TSHR: variants seen among roughly 807,000 people sequenced by gnomAD.
The protein encoded by TSHR is thyroid stimulating hormone receptor, also known as thyrotropin receptor.
Under a neutral mutation model 64.1 loss-of-function variants are expected in TSHR, and 51 were observed. The ratio of observed to expected loss-of-function variants is 0.80; its 90% CI spans 0.64 to 1.01. TSHR has a LOEUF of 1.01. Ranked by LOEUF, TSHR falls within the 50% of genes least tolerant of loss-of-function variation. The pLI is 0.00. For synonymous variants in TSHR, 361 were observed against 361.9 expected, an observed-to-expected ratio of 1.00 and a Z score of 0.03; for missense variants, 877 against 942.8, an observed-to-expected ratio of 0.93 and a Z score of 0.91.
chr14:81,094,638 T>C (rs1258283873), intron 6 of TSHR, among the ~76,000 whole-genome samples: 1 of 150,548 alleles, frequency 6.6e-6, no homozygotes, highest in Non-Finnish European at 1.5e-5. Context: ...ATAGGATAAA[T>C]CCAAGTTTTA....
chr14:80,978,278 C>A (rs1019436817), intron 1 of TSHR, among the ~76,000 whole-genome samples: 1 of 152,170 alleles, frequency 6.6e-6, no homozygotes, highest in Non-Finnish European at 1.5e-5. Flanking sequence ...CTGTGCCACC[C>A]AGAATGGGAT....
chr14:81,037,700 A>G (rs1032408882), intron 1 of TSHR, among the ~76,000 whole-genome samples: 1 of 151,130 alleles, frequency 6.6e-6, no homozygotes, highest in African/African-American at 2.4e-5. Context: ...AGCTATACTT[A>G]GATAACAGAT....
chr14:80,991,456 T>C (rs1226526102), intron 1 of TSHR: 1 of 394,096 alleles, frequency 2.5e-6, no homozygotes, highest in African/African-American at 2.1e-5. Context: ...AGGGCAAAAT[T>C]TGAAAGCAAT....
rs569980656 is a variant in TSHR, at chr14:81,111,950, G to A, written c.692+3498G>A. The stretch of plus-strand genomic sequence containing the variant: ...GGAATGTGTCCATTTCTACTTCTTT[G>A]GAAGTGGTCAATTAAACTACCTGCT... On this transcript the variant is annotated intron_variant, in intron 8 of 9. Transcript: ENST00000298171. 3.3e-5 allele frequency among the ~76,000 whole-genome samples: 5 copies of A among 152,220 alleles called. No homozygotes were observed. The East Asian group carries it at 9.7e-4, about 29-fold the overall frequency.
chr14:80,982,545 T>C, intron 1 of TSHR: 1 of 1,018,488 alleles, frequency 9.8e-7, no homozygotes, highest in Non-Finnish European at 1.4e-6. Flanking sequence ...ATGCTAGTTT[T>C]GACCCTAATC....
At chr14:80,969,488 C>T (rs548946051) in intron 1 of TSHR, among the ~76,000 whole-genome samples, 34 of 152,270 alleles carry the variant, frequency 2.2e-4, no homozygotes, top group South Asian at 6.2e-4. Context: ...CCAGTATAAT[C>T]AAACTGCCAC....
At chr14:81,029,725 C>A (rs1884253796) in intron 1 of TSHR, among the ~76,000 whole-genome samples, 1 of 152,090 alleles carries the variant, frequency 6.6e-6, no homozygotes, top group African/African-American at 2.4e-5. Flanking sequence ...AAGCATTTGA[C>A]ATTTTTTCTA....
At chr14:81,076,053 C>A (rs1347913885) in intron 3 of TSHR, among the ~76,000 whole-genome samples, 3 of 137,636 alleles carry the variant, frequency 2.2e-5, no homozygotes, top group Non-Finnish European at 3.1e-5. Flanking sequence ...GAACAAAAAA[C>A]CAAACACCGC....
chr14:81,096,540 T>A, intron 6 of TSHR, 99 bp from the exon 7 acceptor site: 10 of 1,230,736 alleles, frequency 8.1e-6, no homozygotes, highest in Non-Finnish European at 1.1e-5. Context: ...AACCTTTATG[T>A]ACATTTATGA....
At chr14:81,120,553 A>T (rs1389607586) in intron 8 of TSHR, among the ~76,000 whole-genome samples, 5 of 152,142 alleles carry the variant, frequency 3.3e-5, no homozygotes, top group Non-Finnish European at 5.9e-5. Flanking sequence ...TACTGAATTC[A>T]TTTCTTAGTT....
intron 1 of TSHR, among the ~76,000 whole-genome samples, chr14:81,057,897 A>G (rs142847807): frequency 2.6e-5 from 4 of 152,360 alleles, no homozygotes; most frequent in Admixed American, 6.5e-5. Flanking sequence ...GAAATGTGTT[A>G]GAACCCACAC....
intron 1 of TSHR, among the ~76,000 whole-genome samples, chr14:81,042,512 A>C (rs1430630798): frequency 6.6e-6 from 1 of 152,196 alleles, no homozygotes; most frequent in Non-Finnish European, 1.5e-5. Context: ...AGAGGATGTG[A>C]TGTTAAGTGA....
chr14:80,955,930 C>T, intron 1 of TSHR, 80 bp downstream of exon 1: 1 of 1,561,464 alleles, frequency 6.4e-7, no homozygotes, highest in Non-Finnish European at 8.8e-7. Context: ...ACAAAAGCAG[C>T]TCAATAACAG....
chr14:81,019,398 T>C (rs1009276776), intron 1 of TSHR, among the ~76,000 whole-genome samples: 1 of 148,522 alleles, frequency 6.7e-6, no homozygotes, highest in Non-Finnish European at 1.5e-5. Flanking sequence ...TGCCAAGATA[T>C]AAGCAAGATT....
At chr14:81,119,211 C>A (rs1890675843) in intron 8 of TSHR, among the ~76,000 whole-genome samples, 1 of 145,422 alleles carries the variant, frequency 6.9e-6, no homozygotes, top group Admixed American at 6.7e-5. Flanking sequence ...TTCTGCACAG[C>A]AAAAGAAACT....
chr14:81,011,554 T>G (rs1236302840), intron 1 of TSHR, among the ~76,000 whole-genome samples: 1 of 152,140 alleles, frequency 6.6e-6, no homozygotes, highest in Admixed American at 6.6e-5. Context: ...TCGTGCTTTC[T>G]CTTTTCTTTT....
At chr14:81,004,172 C>G (rs1889478433) in intron 1 of TSHR, among the ~76,000 whole-genome samples, 1 of 152,106 alleles carries the variant, frequency 6.6e-6, no homozygotes, top group Admixed American at 6.5e-5. Context: ...AACACCCTGA[C>G]CTCAAATAAT....
intron 1 of TSHR, among the ~76,000 whole-genome samples, chr14:80,966,546 C>A (rs187818633): frequency 4.6e-5 from 7 of 150,950 alleles, no homozygotes; most frequent in Non-Finnish European, 1.5e-5. Context: ...AATAAACGAC[C>A]TCATTGATTT....
At chr14:81,066,262 A>G (rs1453230360) in intron 2 of TSHR, among the ~76,000 whole-genome samples, 2 of 152,184 alleles carry the variant, frequency 1.3e-5, no homozygotes, top group Non-Finnish European at 2.9e-5. Context: ...AATGGAAAAG[A>G]TGCTTAGGGA....
Sources: allele counts gnomAD v4.1 joint callset (sites outside exome capture counted in the v4.1 genomes callset), GRCh38; gene constraint gnomAD v4.1.1; transcripts MANE v1.5; gene names NCBI Gene and HGNC (gene_info 2026-07-23, HGNC 2026-07-21).